Variants in SNTG1 observed in about 807,000 individuals in gnomAD.
The protein encoded by SNTG1 is gamma-1-syntrophin.
In SNTG1, 39 loss-of-function variants were observed where a neutral mutation model predicts 74.7. The ratio of observed to expected loss-of-function variants is 0.52; its 90% CI spans 0.40 to 0.68. The LOEUF (loss-of-function observed/expected upper bound fraction) is 0.68, where lower values mean the gene tolerates loss of function less well. SNTG1 is among the 30% of genes least tolerant of loss of function. The probability of loss-of-function intolerance (pLI) is 0.00; values close to 1 mark genes in which losing one functional copy is unlikely to be tolerated. For missense variants in SNTG1, 685 were observed against 609.5 expected (o/e 1.12, Z -1.30); for synonymous variants, 254 against 217.1 (o/e 1.17, Z -1.49).
chr8:50,175,521 G>T (rs1251033878), intron 2 of SNTG1, among the ~76,000 whole-genome samples: 1 of 152,208 alleles, frequency 6.6e-6, no homozygotes, highest in East Asian at 1.9e-4. Flanking sequence ...CTAGCCATCA[G>T]TGGCCAAGCT....
chr8:50,070,494 A>T (rs1821273789), intron 1 of SNTG1, among the ~76,000 whole-genome samples: 1 of 152,216 alleles, frequency 6.6e-6, no homozygotes, highest in Non-Finnish European at 1.5e-5. Flanking sequence ...ATTAAATCAG[A>T]TGACATAAAT....
rs552339828 is a variant in SNTG1 at position 49,945,338 on chromosome 8, A to C, written c.-103+33107A>C. On this transcript the variant is annotated intron_variant, in intron 1 of 18. Coordinates refer to ENST00000642720, the MANE Select transcript of SNTG1 (RefSeq NM_018967.5). ...GAACTTTTGGGAGCAGCATCCCAGC[A>C]GGCCTTGTATCCTCTGCTAAAGCTT... 3.9e-5 allele frequency among the ~76,000 whole-genome samples: 6 copies of C among 152,330 alleles called. No homozygotes were observed. The South Asian group carries it at 1.2e-3, about 32-fold the overall frequency.
At chr8:50,539,096 A>G (rs866344941) in intron 11 of SNTG1, among the ~76,000 whole-genome samples, 2 of 152,090 alleles carry the variant, frequency 1.3e-5, no homozygotes, top group African/African-American at 4.8e-5. Context: ...TGCCTGTTGA[A>G]GCATTTTTAG....
chr8:50,488,332 C>T (rs1466813445), intron 8 of SNTG1, among the ~76,000 whole-genome samples: 2 of 152,172 alleles, frequency 1.3e-5, no homozygotes, highest in Non-Finnish European at 2.9e-5. Flanking sequence ...CAGTCTGCCA[C>T]ATATTAGGTG....
chr8:50,274,482 C>A (rs1183295671), intron 2 of SNTG1, among the ~76,000 whole-genome samples: 1 of 151,842 alleles, frequency 6.6e-6, no homozygotes, highest in Non-Finnish European at 1.5e-5. Flanking sequence ...ATTATACTAT[C>A]TGTGGAAAAA....
chr8:50,456,397 T>C (rs1007164550), intron 8 of SNTG1, among the ~76,000 whole-genome samples: 18 of 152,170 alleles, frequency 1.2e-4, no homozygotes, highest in South Asian at 4.2e-4. Context: ...CTTTTTTTTT[T>C]CCCTCACAGT....
At chr8:50,163,077 T>C (rs935355314) in intron 1 of SNTG1, among the ~76,000 whole-genome samples, 4 of 152,148 alleles carry the variant, frequency 2.6e-5, no homozygotes, top group Admixed American at 2.0e-4. Context: ...CATAAGCAAC[T>C]GGCTAGGTCC....
At position 50,497,396 on chromosome 8, in the gene SNTG1, A is replaced by T. The variant is rs147890466; in HGVS notation, c.364-5382A>T. Among the ~76,000 whole-genome samples, 10 of 152,070 alleles carry T rather than the reference A, an allele frequency of 6.6e-5. No homozygotes were observed. The East Asian group carries it at 1.9e-3, about 29-fold the overall frequency. On this transcript the variant is annotated intron_variant, in intron 8 of 18. Coordinates refer to ENST00000642720, the MANE Select transcript of SNTG1 (RefSeq NM_018967.5). ...TAATCCTAGATATTATCTATTGTAC[A>T]CTTAATATAGAATATGAGTACTTAG...
chr8:50,560,202 TAAA>T (rs2094479221), intron 12 of SNTG1, among the ~76,000 whole-genome samples: 1 of 152,128 alleles, frequency 6.6e-6, no homozygotes, highest in Non-Finnish European at 1.5e-5. Flanking sequence ...TGGTGATTAT[TAAA>T]AAGTCAAGAA....
chr8:50,222,589 C>T (rs1028008166), intron 2 of SNTG1, among the ~76,000 whole-genome samples: 6 of 152,112 alleles, frequency 3.9e-5, no homozygotes, highest in African/African-American at 1.2e-4. Context: ...CATATACCTC[C>T]TTTTTCCTTA....
At chr8:50,574,039 C>A (rs1199910588) in intron 12 of SNTG1, among the ~76,000 whole-genome samples, 1 of 151,926 alleles carries the variant, frequency 6.6e-6, no homozygotes, top group Non-Finnish European at 1.5e-5. Flanking sequence ...TCAGCAAATA[C>A]TATTTTCAGT....
chr8:50,393,002 G>A (rs1230091333), intron 2 of SNTG1, among the ~76,000 whole-genome samples: 1 of 151,828 alleles, frequency 6.6e-6, no homozygotes, highest in East Asian at 1.9e-4. Flanking sequence ...TTCTTTTGTA[G>A]TAAAAGAATA....
At chr8:49,981,624 G>C (rs1186926739) in intron 1 of SNTG1, among the ~76,000 whole-genome samples, 1 of 152,060 alleles carries the variant, frequency 6.6e-6, no homozygotes, top group Non-Finnish European at 1.5e-5. Flanking sequence ...AGCAAATATG[G>C]CTATCATTAC....
chr8:50,101,929 G>A (rs1162688567), intron 1 of SNTG1, among the ~76,000 whole-genome samples: 1 of 151,994 alleles, frequency 6.6e-6, no homozygotes, highest in Non-Finnish European at 1.5e-5. Context: ...TGGTGTATAT[G>A]TGCCACATTT....
At chr8:50,558,636 G>GCT (rs367645964) in intron 12 of SNTG1, among the ~76,000 whole-genome samples, 17 of 146,304 alleles carry the variant, frequency 1.2e-4, no homozygotes, top group African/African-American at 3.7e-4. Context: ...TGGCTGCAGT[G>GCT]TTTTTTTTTT....
chr8:49,938,243 T>G (rs760912896), intron 1 of SNTG1, among the ~76,000 whole-genome samples: 3 of 152,186 alleles, frequency 2.0e-5, no homozygotes, highest in Non-Finnish European at 4.4e-5. Flanking sequence ...CTCTCGAATC[T>G]CATATATGAT....
intron 1 of SNTG1, among the ~76,000 whole-genome samples, chr8:50,066,837 C>CACATTT (rs1259616334): frequency 1.3e-5 from 2 of 152,134 alleles, no homozygotes; most frequent in African/African-American, 4.8e-5. Flanking sequence ...AGCTAGTCAC[C>CACATTT]AGTGGTTTCT....
intron 1 of SNTG1, among the ~76,000 whole-genome samples, chr8:49,913,323 A>C (rs1443285978): frequency 6.6e-6 from 1 of 152,222 alleles, no homozygotes; most frequent in Non-Finnish European, 1.5e-5. Flanking sequence ...TTTAGGTTTT[A>C]CTTTTAATTT....
At chr8:50,777,670 T>C (rs895855578) in intron 18 of SNTG1, among the ~76,000 whole-genome samples, 1 of 151,652 alleles carries the variant, frequency 6.6e-6, no homozygotes, top group Non-Finnish European at 1.5e-5. Flanking sequence ...GAGTTTTCTT[T>C]TTTTCTCTCT....
Sources: allele counts gnomAD v4.1 joint callset (sites outside exome capture counted in the v4.1 genomes callset), GRCh38; gene constraint gnomAD v4.1.1; transcripts MANE v1.5; gene names NCBI Gene and HGNC (gene_info 2026-07-23, HGNC 2026-07-21).